Variants in RALA observed in about 807,000 individuals in gnomAD.
The protein encoded by RALA is ras-related protein Ral-A.
In RALA, 5 loss-of-function variants were observed where a neutral mutation model predicts 24.0. That is an observed-to-expected ratio of 0.21 (90% CI 0.11 to 0.44). The LOEUF (loss-of-function observed/expected upper bound fraction) is 0.44, where lower values mean the gene tolerates loss of function less well. Ranked by LOEUF, RALA falls within the 20% of genes least tolerant of loss-of-function variation. The pLI, the probability that RALA is intolerant of heterozygous loss-of-function variation, is 0.99. For missense variants in RALA, 95 were observed against 241.2 expected (o/e 0.39, Z 4.01); for synonymous variants, 77 against 83.8 (o/e 0.92, Z 0.44).
At chr7:39,697,523 C>G in intron 4 of RALA, 1 of 448,922 alleles carries the variant, frequency 2.2e-6, no homozygotes, top group South Asian at 1.6e-5. Flanking sequence ...AGCACAGAAT[C>G]TTAAAGGCCT....
chr7:39,696,350 G>A (rs1249431544), intron 3 of RALA, among the ~76,000 whole-genome samples: 2 of 152,192 alleles, frequency 1.3e-5, no homozygotes, highest in African/African-American at 4.8e-5. Flanking sequence ...CTGCCAGCCA[G>A]CAGTCCTCAA....
chr7:39,671,416 T>C (rs188750637), intron 1 of RALA, among the ~76,000 whole-genome samples: 4 of 152,334 alleles, frequency 2.6e-5, no homozygotes, highest in Admixed American at 2.6e-4. Context: ...ACCTTTGTGC[T>C]ACTGGTAATG....
chr7:39,666,247 G>A (rs1484688922), intron 1 of RALA, among the ~76,000 whole-genome samples: 8 of 152,096 alleles, frequency 5.3e-5, no homozygotes, highest in African/African-American at 1.4e-4. Flanking sequence ...GGCCACAAAG[G>A]TGACATTTTC....
At chr7:39,703,800 A>G (rs959765217) in intron 4 of RALA, among the ~76,000 whole-genome samples, 1 of 152,192 alleles carries the variant, frequency 6.6e-6, no homozygotes, top group South Asian at 2.1e-4. Context: ...CCTAAATTAC[A>G]TTAACATAAT....
intron 4 of RALA, among the ~76,000 whole-genome samples, chr7:39,698,049 C>G (rs1792954362): frequency 1.3e-5 from 2 of 151,934 alleles, no homozygotes; most frequent in Non-Finnish European, 2.9e-5. Flanking sequence ...AGTCCAAGAT[C>G]AAGGTCTTAG....
intron 1 of RALA, among the ~76,000 whole-genome samples, chr7:39,675,085 C>T (rs1175097143): frequency 6.6e-6 from 1 of 152,126 alleles, no homozygotes; most frequent in African/African-American, 2.4e-5. Context: ...CTTGGCCTCC[C>T]AAAGTGCTGG....
intron 1 of RALA, among the ~76,000 whole-genome samples, chr7:39,684,787 A>G (rs1792669644): frequency 6.6e-6 from 1 of 152,212 alleles, no homozygotes; most frequent in South Asian, 2.1e-4. Context: ...TGGGCATTCA[A>G]AGGGCCGCAT....
intron 1 of RALA, among the ~76,000 whole-genome samples, chr7:39,664,340 T>C (rs1389399940): frequency 1.3e-5 from 2 of 152,196 alleles, no homozygotes; most frequent in Non-Finnish European, 2.9e-5. Context: ...AGAACCCTTT[T>C]TCTGGATTGC....
At chr7:39,697,139 T>C (rs902779828) in intron 4 of RALA, among the ~76,000 whole-genome samples, 22 of 152,186 alleles carry the variant, frequency 1.4e-4, no homozygotes, top group Admixed American at 9.8e-4. Context: ...CTTATCCTAT[T>C]GAGTCTTTGG....
chr7:39,674,041 G>GTAAAAAAATAAATAAATAAATAAA (rs751747445), intron 1 of RALA, among the ~76,000 whole-genome samples: 1 of 48,896 alleles, frequency 2.0e-5, no homozygotes, highest in Non-Finnish European at 4.0e-5. Context: ...GGCATGCACT[G>GTAAAAAAATAAATAAATAAATAAA]TAAATAAATA....
chr7:39,699,316 AT>A, intron 4 of RALA, among the ~76,000 whole-genome samples: 1 of 149,706 alleles, frequency 6.7e-6, no homozygotes, highest in Non-Finnish European at 1.5e-5. Context: ...AATTTTTTGT[AT>A]TTTTAGTAGA....
intron 1 of RALA, among the ~76,000 whole-genome samples, chr7:39,670,956 G>A (rs1792371727): frequency 6.6e-6 from 1 of 152,146 alleles, no homozygotes; most frequent in East Asian, 1.9e-4. Flanking sequence ...CACAGAAGCT[G>A]CTTGTTTCCT....
intron 1 of RALA, among the ~76,000 whole-genome samples, chr7:39,633,476 C>T (rs1791631389): frequency 1.3e-5 from 2 of 152,166 alleles, no homozygotes; most frequent in African/African-American, 4.8e-5. Flanking sequence ...CCTTATAAAA[C>T]CATCAGATCT....
chr7:39,666,361 T>C (rs1439385508), intron 1 of RALA, among the ~76,000 whole-genome samples: 1 of 152,180 alleles, frequency 6.6e-6, no homozygotes, highest in Non-Finnish European at 1.5e-5. Flanking sequence ...TGCCTGTGTG[T>C]GTTGGAAGGT....
intron 1 of RALA, among the ~76,000 whole-genome samples, chr7:39,669,414 A>G (rs1792342246): frequency 6.6e-6 from 1 of 152,234 alleles, no homozygotes; most frequent in African/African-American, 2.4e-5. Context: ...AGAAGCAGCT[A>G]TACAAAGAGA....
chr7:39,629,603 T>G (rs1205376809), intron 1 of RALA, among the ~76,000 whole-genome samples: 1 of 151,024 alleles, frequency 6.6e-6, no homozygotes, highest in Non-Finnish European at 1.5e-5. Context: ...GTGTATGTAT[T>G]TATTTATTTA....
chr7:39,705,188 G>A (rs1183064722), intron 4 of RALA, among the ~76,000 whole-genome samples: 3 of 152,074 alleles, frequency 2.0e-5, no homozygotes, highest in Non-Finnish European at 4.4e-5. Context: ...CACAGGTAGC[G>A]CTCCATCTGC....
intron 1 of RALA, among the ~76,000 whole-genome samples, chr7:39,636,266 A>G (rs1358319513): frequency 6.6e-6 from 1 of 152,196 alleles, no homozygotes; most frequent in Non-Finnish European, 1.5e-5. Context: ...TCCCATGTTT[A>G]ACATTTTGAA....
intron 1 of RALA, among the ~76,000 whole-genome samples, chr7:39,664,532 T>C (rs951804034): frequency 6.6e-6 from 1 of 152,024 alleles, no homozygotes; most frequent in African/African-American, 2.4e-5. Flanking sequence ...GCTTCTAGAT[T>C]GGGGGTTGTA....
Sources: gnomAD v4.1 joint callset for allele counts (sites outside exome capture counted in the v4.1 genomes callset) on GRCh38, gnomAD v4.1.1 for gene constraint, MANE v1.5 for transcripts, NCBI Gene and HGNC (gene_info 2026-07-23, HGNC 2026-07-21) for gene names.